The following MAML3 variants were observed in gnomAD, a reference collection of about 807,000 sequenced individuals.
MAML3 encodes the protein mastermind-like protein 3.
Under a neutral mutation model 101.9 loss-of-function variants are expected in MAML3, and 27 were observed. The observed-to-expected ratio is 0.27, with a 90% CI of 0.20 to 0.37. The LOEUF is 0.37. Among genes scored for constraint, MAML3 ranks in the 10% least tolerant of loss-of-function variants. The pLI is 1.00. For synonymous variants in MAML3, 501 were observed against 555.9 expected (o/e 0.90, Z 1.39); for missense variants, 1,316 against 1,444.9 (o/e 0.91, Z 1.45).
intron 1 of MAML3, among the ~76,000 whole-genome samples, chr4:140,102,074 G>A (rs1216960954): frequency 6.6e-6 from 1 of 152,092 alleles, no homozygotes; most frequent in Non-Finnish European, 1.5e-5. Flanking sequence ...AATGATTTGT[G>A]TTGTTTTGTT....
chr4:139,878,531 C>T (rs73857404), intron 2 of MAML3, among the ~76,000 whole-genome samples: 2,134 of 152,226 alleles, frequency 0.014, 60 homozygotes, highest in African/African-American at 0.048. Context: ...TGTGTCGAAC[C>T]CTTAGGCTAG....
chr4:139,856,791 T>C (rs751249454), intron 2 of MAML3, among the ~76,000 whole-genome samples: 1 of 151,916 alleles, frequency 6.6e-6, no homozygotes, highest in Non-Finnish European at 1.5e-5. Flanking sequence ...AGTATAATCT[T>C]TGTTATTATT....
intron 1 of MAML3, among the ~76,000 whole-genome samples, chr4:139,987,353 C>G (rs780573502): frequency 2.6e-5 from 4 of 152,236 alleles, no homozygotes; most frequent in African/African-American, 9.6e-5. Flanking sequence ...AAACAGATGT[C>G]GATTGTTTCT....
In MAML3 at chr4:139,859,448, C is replaced by A. The variant is rs1578634221; in HGVS notation, c.2079+29909G>T. Among the ~76,000 whole-genome samples, 4 of 152,018 alleles carry A rather than the reference C, an allele frequency of 2.6e-5. 1 individual carries two copies. The South Asian group carries it at 8.3e-4, about 32-fold the overall frequency. On this transcript the variant is annotated intron_variant, in intron 2 of 4. Transcript: ENST00000509479. ...TCTAGAACTTCTGGGCTCAAGCGAC[C>A]CACCTGCCTCGACCTCCCAAAGTGC...
At chr4:139,761,974 T>C (rs1729768203) in intron 2 of MAML3, among the ~76,000 whole-genome samples, 2 of 151,940 alleles carry the variant, frequency 1.3e-5, no homozygotes, top group African/African-American at 2.4e-5. Context: ...TTGTGAAGCA[T>C]AGGGCATGAG....
intron 1 of MAML3, among the ~76,000 whole-genome samples, chr4:139,955,588 C>T (rs985988163): frequency 6.6e-6 from 1 of 152,094 alleles, no homozygotes; most frequent in Non-Finnish European, 1.5e-5. Flanking sequence ...ATGAAATGCT[C>T]TGGCTGCAAT....
At chr4:139,907,830 C>G (rs1379475302) in intron 1 of MAML3, among the ~76,000 whole-genome samples, 1 of 152,198 alleles carries the variant, frequency 6.6e-6, no homozygotes, top group East Asian at 1.9e-4. Context: ...CAACTGTGCA[C>G]TATTCTTCTT....
At chr4:140,001,749 C>T (rs1215081852) in intron 1 of MAML3, among the ~76,000 whole-genome samples, 1 of 152,148 alleles carries the variant, frequency 6.6e-6, no homozygotes, top group Non-Finnish European at 1.5e-5. Context: ...TGTATCTGTA[C>T]TTCACAAAAG....
intron 1 of MAML3, among the ~76,000 whole-genome samples, chr4:139,905,588 C>T (rs1412473811): frequency 6.7e-6 from 1 of 150,082 alleles, no homozygotes; most frequent in African/African-American, 2.4e-5. Flanking sequence ...GCTGCCATAA[C>T]AAAATACCAC....
chr4:139,979,607 C>T (rs1206399902), intron 1 of MAML3, among the ~76,000 whole-genome samples: 3 of 152,182 alleles, frequency 2.0e-5, no homozygotes, highest in African/African-American at 4.8e-5. Context: ...GCCATGAAGG[C>T]TACTCCCTCA....
intron 2 of MAML3, among the ~76,000 whole-genome samples, chr4:139,771,227 C>T (rs193013525): frequency 6.6e-6 from 1 of 152,296 alleles, no homozygotes; most frequent in Non-Finnish European, 1.5e-5. Context: ...TTTTGGGCAG[C>T]CATTGTATAG....
At chr4:139,749,892 C>CG (rs982634288) in intron 2 of MAML3, among the ~76,000 whole-genome samples, 3 of 133,796 alleles carry the variant, frequency 2.2e-5, no homozygotes, top group South Asian at 2.5e-4. Flanking sequence ...AGAACCCCCC[C>CG]CCACCCTATT....
intron 1 of MAML3, among the ~76,000 whole-genome samples, chr4:139,975,335 C>T (rs1381319632): frequency 1.3e-5 from 2 of 152,172 alleles, no homozygotes; most frequent in African/African-American, 4.8e-5. Context: ...GCTACTCCTT[C>T]ATGTAATTGC....
At chr4:139,996,105 G>C (rs1420748878) in intron 1 of MAML3, among the ~76,000 whole-genome samples, 1 of 151,996 alleles carries the variant, frequency 6.6e-6, no homozygotes, top group Non-Finnish European at 1.5e-5. Flanking sequence ...ATTACATTGT[G>C]GTTGGAGAAC....
chr4:140,037,438 T>C (rs1727004812), intron 1 of MAML3, among the ~76,000 whole-genome samples: 1 of 152,208 alleles, frequency 6.6e-6, no homozygotes, highest in Non-Finnish European at 1.5e-5. Context: ...TCAATTTAAA[T>C]GACTAAGCAA....
In MAML3 at chr4:140,153,071, C is replaced by T. The variant is rs748191747; in HGVS notation, c.257G>A (p.Arg86Gln). 8.3e-6 allele frequency: 13 copies of T among 1,563,302 alleles called. No individual in the cohort carries two copies. Among genetic ancestry groups the T allele is most frequent in the Non-Finnish European group, 1.1e-5 (13 of 1,153,806 alleles). ...RLRQRIEGCRRHHVNCENRYQ... is the reference protein window; with the variant it reads ...RLRQRIEGCRQHHVNCENRYQ... ...CCTGTTCTCGCAGTTGACGTGGTGCCGACGGCAGCCCTCGATGCGCTGGCG... is the reference window on the plus strand; with the variant it reads ...CCTGTTCTCGCAGTTGACGTGGTGCTGACGGCAGCCCTCGATGCGCTGGCG... Residue 86 changes from arginine to glutamine, a missense_variant, in exon 1 of 5, where the codon CGG (arginine) becomes CAG (glutamine). Coordinates refer to ENST00000509479, the MANE Select transcript of MAML3 (RefSeq NM_018717.5).
chr4:140,022,352 G>A (rs1379566426), intron 1 of MAML3, among the ~76,000 whole-genome samples: 3 of 152,186 alleles, frequency 2.0e-5, no homozygotes, highest in African/African-American at 7.2e-5. Flanking sequence ...TTCATAAATT[G>A]AAGACTTCCT....
intron 1 of MAML3, among the ~76,000 whole-genome samples, chr4:140,068,481 CTGAT>C (rs1326978859): frequency 6.6e-6 from 1 of 152,166 alleles, no homozygotes; most frequent in Non-Finnish European, 1.5e-5. Context: ...ACTTTTCAGA[CTGAT>C]TGAGTCATTT....
chr4:140,136,114 A>G (rs1728878843), intron 1 of MAML3, among the ~76,000 whole-genome samples: 1 of 152,174 alleles, frequency 6.6e-6, no homozygotes. Context: ...GGTTCAATTT[A>G]TAGGGAAATC....
Sources: allele counts gnomAD v4.1 joint callset (sites outside exome capture counted in the v4.1 genomes callset), GRCh38; gene constraint gnomAD v4.1.1; transcripts MANE v1.5; gene names NCBI Gene and HGNC (gene_info 2026-07-23, HGNC 2026-07-21).